ATP10B: variants seen among roughly 807,000 people sequenced by gnomAD.
The protein encoded by ATP10B is ATPase phospholipid transporting 10B (putative).
ATP10B carries 122 observed loss-of-function variants against 141.2 expected under a neutral mutation model. That is an observed-to-expected ratio of 0.86 (90% CI 0.75 to 1.00). The LOEUF (loss-of-function observed/expected upper bound fraction) is 1.00. Ranked by LOEUF, ATP10B falls within the 50% of genes least tolerant of loss-of-function variation. The pLI, the probability that ATP10B is intolerant of heterozygous loss-of-function variation, is 0.00. For missense variants in ATP10B, 1,876 were observed against 1,825.3 expected (o/e 1.03, Z -0.51); for synonymous variants, 685 against 692.0 (o/e 0.99, Z 0.16).
the ATP10B span, among the ~76,000 whole-genome samples, chr5:160,919,364 T>C: frequency 6.6e-6 from 1 of 151,978 alleles, no homozygotes; most frequent in Non-Finnish European, 1.5e-5. Flanking sequence ...TATGATACTG[T>C]GCAAAATCAG....
At chr5:160,671,120 G>A (rs1027730722) in intron 6 of ATP10B, among the ~76,000 whole-genome samples, 6 of 137,780 alleles carry the variant, frequency 4.4e-5, no homozygotes, top group Non-Finnish European at 7.5e-5. Flanking sequence ...AGCCGAGATT[G>A]CGCCACTGCA....
rs1354318111 is a variant in ATP10B, at chr5:160,620,452, T to C, written c.2311A>G (p.Lys771Glu). Residue 771 changes from lysine to glutamate, a missense_variant, in exon 15 of 26, where the codon AAG becomes GAG. Physicochemically the swap from Lys to Glu is moderately conservative, Grantham distance 56. Transcript: ENST00000327245. ...TGCCTCACAACCACAGACATTCTCT[T>C]CCTGACAGAGTCAAAGCCCAGGGTG... ...LCTLGFDSVR[K>E]RMSVVVRHPL... 1 of 1,614,172 alleles carries C rather than the reference T, an allele frequency of 6.2e-7. No homozygotes were observed. Among genetic ancestry groups the C allele is most frequent in the East Asian group, 2.2e-5 (1 of 44,876 alleles).
chr5:160,797,311 C>T (rs949695828), intron 1 of ATP10B, among the ~76,000 whole-genome samples: 5 of 152,148 alleles, frequency 3.3e-5, no homozygotes, highest in Non-Finnish European at 5.9e-5. Context: ...TCACTTTTTG[C>T]ATCAGTACCA....
chr5:160,769,620 G>A (rs963796017), intron 2 of ATP10B, among the ~76,000 whole-genome samples: 1 of 152,170 alleles, frequency 6.6e-6, no homozygotes, highest in African/African-American at 2.4e-5. Context: ...GACAGAAAAT[G>A]GCAAAGGCAG....
At chr5:160,747,262 T>C (rs1020278217) in intron 2 of ATP10B, among the ~76,000 whole-genome samples, 3 of 152,194 alleles carry the variant, frequency 2.0e-5, no homozygotes, top group African/African-American at 7.2e-5. Context: ...GCATTTCAGT[T>C]TGTGACCCTG....
the ATP10B span, among the ~76,000 whole-genome samples, chr5:160,858,476 T>G: frequency 6.6e-6 from 1 of 151,952 alleles, no homozygotes; most frequent in Non-Finnish European, 1.5e-5. Flanking sequence ...GTATGTAAAC[T>G]GTGTTCCTTG....
intron 2 of ATP10B, among the ~76,000 whole-genome samples, chr5:160,727,300 G>A (rs1187952202): frequency 6.6e-6 from 1 of 152,228 alleles, no homozygotes; most frequent in Non-Finnish European, 1.5e-5. Flanking sequence ...GGAGAAAACT[G>A]AGGCTTACAG....
At chr5:160,679,472 TTGC>T (rs1763240624) in intron 6 of ATP10B, among the ~76,000 whole-genome samples, 1 of 152,258 alleles carries the variant, frequency 6.6e-6, no homozygotes, top group Non-Finnish European at 1.5e-5. Flanking sequence ...TGGCTAAATG[TTGC>T]TCCTCCTTCA....
At chr5:160,873,039 A>G in the ATP10B span, among the ~76,000 whole-genome samples, 2 of 150,848 alleles carry the variant, frequency 1.3e-5, no homozygotes, top group African/African-American at 2.4e-5. Context: ...TGTGTCATCT[A>G]TGATTTCTTT....
In ATP10B at chr5:160,682,309, C is replaced by T. The variant is rs572668831; in HGVS notation, c.470+3770G>A. Among the ~76,000 whole-genome samples the T allele has an allele frequency of 9.2e-5, 14 of 152,236 alleles. No homozygotes were observed. In the East Asian group the frequency reaches 1.4e-3, roughly 15 times the overall value. The stretch of plus-strand genomic sequence containing the variant: ...TAATTTGGCCATGCACGTATTTTTT[C>T]GGAGACTATTTCTTTGTCACTGTTA... On this transcript the variant is annotated intron_variant, in intron 6 of 25. Transcript: ENST00000327245.
chr5:160,796,851 G>C (rs765276178), intron 1 of ATP10B, among the ~76,000 whole-genome samples: 1 of 152,192 alleles, frequency 6.6e-6, no homozygotes, highest in Non-Finnish European at 1.5e-5. Flanking sequence ...GGGAGAAAAG[G>C]TGGCTCTTCC....
chr5:160,912,423 AAAAAAAAAAAAAAAAAAAG>A, the ATP10B span, among the ~76,000 whole-genome samples: 1 of 68,146 alleles, frequency 1.5e-5, no homozygotes, highest in African/African-American at 7.2e-5. Flanking sequence ...CCAAAAAAAA[AAAAAAAAAAAAAAAAAAAG>A]AGAAAACTTA....
At chr5:160,664,870 A>G (rs140878005) in intron 7 of ATP10B, among the ~76,000 whole-genome samples, 55 of 152,328 alleles carry the variant, frequency 3.6e-4, no homozygotes, top group African/African-American at 1.3e-3. Flanking sequence ...TAACTGTTAC[A>G]TTTATCAAAA....
At chr5:160,748,711 G>A (rs1767965246) in intron 2 of ATP10B, among the ~76,000 whole-genome samples, 3 of 152,174 alleles carry the variant, frequency 2.0e-5, no homozygotes, top group Admixed American at 6.5e-5. Flanking sequence ...AATCCTCTGT[G>A]ATGTTAATTG....
At chr5:160,924,742 T>G in the ATP10B span, among the ~76,000 whole-genome samples, 1 of 152,176 alleles carries the variant, frequency 6.6e-6, no homozygotes, top group African/African-American at 2.4e-5. Context: ...TCGTCACTTA[T>G]CCTAACATTC....
rs770882146 is a variant in ATP10B, at chr5:160,688,010, T to C, written c.65A>G (p.His22Arg). ...CAGCGGTGTGGTTTCCGATGGACAA[T>C]GGGGGAAGCCATCTCTGACTCTCCA... Reference protein sequence around the residue: ...WQWRVRDGFPHCPSETTPLLS... With the variant: ...WQWRVRDGFPRCPSETTPLLS... Residue 22 changes from histidine to arginine, a missense_variant, in exon 5 of 26, where the codon CAT becomes CGT. His to Arg is a conservative substitution (Grantham distance 29). Transcript: ENST00000327245. 46 of 1,613,750 alleles carry C rather than the reference T, an allele frequency of 2.9e-5. No individual in the cohort carries two copies. The highest frequency in any genetic ancestry group is 3.6e-5 in the Non-Finnish European group (43 of 1,180,000).
At chr5:160,778,198 TAATA>T (rs1194831303) in intron 2 of ATP10B, among the ~76,000 whole-genome samples, 2 of 152,210 alleles carry the variant, frequency 1.3e-5, no homozygotes, top group Non-Finnish European at 2.9e-5. Flanking sequence ...TTTAAAGCCA[TAATA>T]AATAGTTCTT....
intron 24 of ATP10B, among the ~76,000 whole-genome samples, chr5:160,584,727 T>C (rs556304394): frequency 2.6e-5 from 4 of 152,360 alleles, no homozygotes; most frequent in African/African-American, 9.6e-5. Context: ...GTTTTAGCTT[T>C]TGTTTACATT....
At chr5:160,663,659 GGGATAGCATT>G (rs1471492672) in intron 7 of ATP10B, among the ~76,000 whole-genome samples, 2 of 54,624 alleles carry the variant, frequency 3.7e-5, no homozygotes, top group African/African-American at 9.0e-5. Flanking sequence ...AGAGCGGGGA[GGGATAGCATT>G]AGGAGATATA....
Sources: gnomAD v4.1 joint callset for allele counts (sites outside exome capture counted in the v4.1 genomes callset) on GRCh38, gnomAD v4.1.1 for gene constraint, MANE v1.5 for transcripts, NCBI Gene and HGNC (gene_info 2026-07-23, HGNC 2026-07-21) for gene names.